Variants in GALNT15 observed in about 807,000 individuals in gnomAD.
GALNT15 encodes the protein polypeptide N-acetylgalactosaminyltransferase 15.
GALNT15 carries 67 observed loss-of-function variants against 66.8 expected under a neutral mutation model. That is an observed-to-expected ratio of 1.00 (90% CI 0.82 to 1.23). The LOEUF (loss-of-function observed/expected upper bound fraction) is 1.23, where lower values mean the gene tolerates loss of function less well. Ranked by LOEUF, GALNT15 falls within the 50% of genes most tolerant of loss-of-function variation. GALNT15 has a pLI of 0.00. For missense variants in GALNT15, 827 were observed against 804.3 expected (o/e 1.03, Z -0.34); for synonymous variants, 313 against 311.5 (o/e 1.00, Z -0.05).
chr3:16,203,042 C>T lies in GALNT15; in HGVS notation c.911+2219C>T, dbSNP rs1323390687. Among the ~76,000 whole-genome samples, 1 of 152,134 alleles carries T rather than the reference C, an allele frequency of 6.6e-6. No individual in the cohort carries two copies. Among genetic ancestry groups the T allele is most frequent in the Admixed American group, 6.5e-5 (1 of 15,276 alleles). ...TTCTTTAATGACCCCCATGAGAGGC[C>T]TCAGGCAGGTATTTTAGCTTCTGTT... On this transcript the variant is annotated intron_variant, in intron 3 of 9. Transcript: ENST00000339732. The surrounding 1 kb of genome is among the most constrained non-coding windows in gnomAD (Gnocchi z 6.2).
the GALNT15 span, among the ~76,000 whole-genome samples, chr3:16,239,409 T>C: frequency 6.6e-6 from 1 of 152,182 alleles, no homozygotes; most frequent in East Asian, 1.9e-4. The surrounding 1 kb of genome is among the most constrained non-coding windows in gnomAD (Gnocchi z 5.2). Flanking sequence ...GCTTCTTTTT[T>C]TAATGTCATG....
At chr3:16,214,500 G>C (rs1305245349) in intron 6 of GALNT15, among the ~76,000 whole-genome samples, 1 of 152,208 alleles carries the variant, frequency 6.6e-6, no homozygotes, top group African/African-American at 2.4e-5. Context: ...CACTGAGTAA[G>C]CCCTGCTTGT....
chr3:16,175,251 C>T lies in GALNT15; in HGVS notation c.100C>T (p.His34Tyr). The T allele has an allele frequency of 1.9e-6, 3 of 1,614,184 alleles. No individual in the cohort carries two copies. The highest frequency in any genetic ancestry group is 2.5e-6 in the Non-Finnish European group (3 of 1,180,036). The part of the protein sequence containing the change: ...GCVLMMVAML[H>Y]PPHHTLHQTV... ...CGTCCTGATGATGGTGGCGATGTTG[C>T]ACCCTCCCCACCACACCCTGCACCA... Residue 34 changes from histidine (H) to tyrosine (Y), a missense_variant, in exon 1 of 10, where the codon CAC becomes TAC. Coordinates refer to ENST00000339732, the MANE Select transcript of GALNT15 (RefSeq NM_054110.5). The surrounding 1 kb of genome is among the most constrained non-coding windows in gnomAD (Gnocchi z 5.6).
intron 1 of GALNT15, among the ~76,000 whole-genome samples, chr3:16,177,089 T>C (rs1029779334): frequency 6.6e-6 from 1 of 152,226 alleles, no homozygotes; most frequent in African/African-American, 2.4e-5. Context: ...CAAATGATTA[T>C]TGATGTATTT....
rs1378180297 is a variant in GALNT15 at position 16,225,424 on chromosome 3, CAAT to C, written c.1774-1929_1774-1927del. Reference sequence around the variant, plus strand: ...ATTTTTTTAAAAAAGAGGCCAGGCTCAATGGCTCACGCCTGTAATCCCAGCACT... The same window carrying C: ...ATTTTTTTAAAAAAGAGGCCAGGCTCGGCTCACGCCTGTAATCCCAGCACT... On this transcript the variant is annotated intron_variant, in intron 9 of 9. Coordinates refer to ENST00000339732, the MANE Select transcript of GALNT15 (RefSeq NM_054110.5). This position sits in a 1 kb window ranked among gnomAD's most constrained non-coding sequence, Gnocchi z 4.4. Among the ~76,000 whole-genome samples, 1 of 152,206 alleles carries C rather than the reference CAAT, an allele frequency of 6.6e-6. No homozygotes were observed. The highest frequency in any genetic ancestry group is 1.9e-4 in the East Asian group (1 of 5,196).
At position 16,212,570 on chromosome 3, in the gene GALNT15, C is replaced by T. The variant is rs779927324; in HGVS notation, c.1199C>T (p.Ala400Val). The T allele has an allele frequency of 2.0e-5, 33 of 1,611,750 alleles. No individual in the cohort carries two copies. Among genetic ancestry groups the T allele is most frequent in the Non-Finnish European group, 2.7e-5 (32 of 1,178,594 alleles). Residue 400 changes from alanine (A) to valine (V), a missense_variant and splice_region_variant, in exon 6 of 10, where the codon GCC becomes GTC. Transcript: ENST00000339732. Reference sequence around the variant, plus strand: ...GTTTATCTTTTCCCTTCGTGGCAGGCCTGGCTCTGTGGTGGCTCTGTTGAA... The same window carrying T: ...GTTTATCTTTTCCCTTCGTGGCAGGTCTGGCTCTGTGGTGGCTCTGTTGAA... ...GGENLELSFK[A>V]WLCGGSVEIL... is the part of the protein sequence containing the mutation.
intron 1 of GALNT15, among the ~76,000 whole-genome samples, chr3:16,178,476 C>A (rs1183956310): frequency 6.6e-6 from 1 of 152,188 alleles, no homozygotes; most frequent in Non-Finnish European, 1.5e-5. Flanking sequence ...AGGGTTCTCA[C>A]GGAACGGCCG....
rs36127239 is a variant in GALNT15 at position 16,207,501 on chromosome 3, T to TAA, written c.912-961_912-960dup. ...ACTCTGCAGTCATATCTCCAGGCTG[T>TAA]AAAAAAAAAAAAAAAAAAAAAAAAA... On this transcript the variant is annotated intron_variant, in intron 3 of 9. Coordinates refer to ENST00000339732, the MANE Select transcript of GALNT15 (RefSeq NM_054110.5). Among the ~76,000 whole-genome samples, 81 of 39,844 alleles carry TAA rather than the reference T, an allele frequency of 2.0e-3. 1 individual carries two copies. The highest frequency in any genetic ancestry group is 3.0e-3 in the Non-Finnish European group (71 of 23,694). The allele number at this position is 39,844 out of a possible 152,430, so 26.1% of individuals were successfully genotyped here.
chr3:16,193,010 A>G lies in GALNT15; in HGVS notation c.540-2750A>G, dbSNP rs2063595575. On this transcript the variant is annotated intron_variant, in intron 1 of 9. Transcript: ENST00000339732. This position sits in a 1 kb window ranked among gnomAD's most constrained non-coding sequence, Gnocchi z 4.7. Reference sequence around the variant, plus strand: ...CCATGTCGGATTCCTGGTTTTGCTCATTGTGGATGATTACGTGAGATATTT... The same window carrying G: ...CCATGTCGGATTCCTGGTTTTGCTCGTTGTGGATGATTACGTGAGATATTT... Among the ~76,000 whole-genome samples, 1 of 152,190 alleles carries G rather than the reference A, an allele frequency of 6.6e-6. No individual in the cohort carries two copies. Among genetic ancestry groups the G allele is most frequent in the Non-Finnish European group, 1.5e-5 (1 of 68,028 alleles).
rs911502134 is a variant in GALNT15 at position 16,176,876 on chromosome 3, G to A, written c.539+1186G>A. 2.0e-5 allele frequency among the ~76,000 whole-genome samples: 3 copies of A among 152,160 alleles called. No homozygotes were observed. The highest frequency in any genetic ancestry group is 3.9e-4 in the East Asian group (2 of 5,186). On this transcript the variant is annotated intron_variant, in intron 1 of 9. Coordinates refer to ENST00000339732, the MANE Select transcript of GALNT15 (RefSeq NM_054110.5). This position sits in a 1 kb window ranked among gnomAD's most constrained non-coding sequence, Gnocchi z 5.6. Reference sequence around the variant, plus strand: ...CACACTCGAGGGTGTGCAATTGCAGGGTCAGCAGCCGGGAGTGAACATCTC... The same window carrying A: ...CACACTCGAGGGTGTGCAATTGCAGAGTCAGCAGCCGGGAGTGAACATCTC...
Position 16,204,794 on chromosome 3 carries a change from G to A in GALNT15, c.912-3709G>A, listed in dbSNP as rs1173208412. Among the ~76,000 whole-genome samples, 1 of 152,202 alleles carries A rather than the reference G, an allele frequency of 6.6e-6. No homozygotes were observed. The highest frequency in any genetic ancestry group is 2.4e-5 in the African/African-American group (1 of 41,448). On this transcript the variant is annotated intron_variant, in intron 3 of 9. Transcript: ENST00000339732. This position sits in a 1 kb window ranked among gnomAD's most constrained non-coding sequence, Gnocchi z 4.5. ...TCAGCCAGGGGTGCTATGGGGAGAA[G>A]CAATGTGGGGCAGGGAGAAGAACAC...
At chr3:16,242,532 C>A in the GALNT15 span, among the ~76,000 whole-genome samples, 1 of 151,842 alleles carries the variant, frequency 6.6e-6, no homozygotes, top group Non-Finnish European at 1.5e-5. The surrounding 1 kb of genome is among the most constrained non-coding windows in gnomAD (Gnocchi z 5.6). Context: ...CCGAGGCAGG[C>A]AAATCTCTTG....
At chr3:16,243,334 G>A in the GALNT15 span, among the ~76,000 whole-genome samples, 6 of 152,330 alleles carry the variant, frequency 3.9e-5, no homozygotes, top group East Asian at 5.8e-4. Context: ...ACTGGACACC[G>A]AAACATCTGC....
chr3:16,212,403 T>G (rs1358084195), intron 5 of GALNT15, among the ~76,000 whole-genome samples, 166 bp from the exon 6 acceptor site: 1 of 152,062 alleles, frequency 6.6e-6, no homozygotes, highest in Non-Finnish European at 1.5e-5. Context: ...GCCCAGAACC[T>G]CCAAATCTGG....
At chr3:16,234,206 C>A (rs2064112204), downstream of GALNT15, among the ~76,000 whole-genome samples, 1 of 152,202 alleles carries the variant, frequency 6.6e-6, no homozygotes, top group South Asian at 2.1e-4. Context: ...ACACCAGAGG[C>A]TATAGTAGTG....
At position 16,195,775 on chromosome 3, in the gene GALNT15, C is replaced by T. The variant is rs769966579; in HGVS notation, c.555C>T (p.His185=). The change falls in exon 2 of 10, where the codon CAC becomes CAT. Residue 185 remains histidine (H), a synonymous_variant. Coordinates refer to ENST00000339732, the MANE Select transcript of GALNT15 (RefSeq NM_054110.5). This position sits in a 1 kb window ranked among gnomAD's most constrained non-coding sequence, Gnocchi z 4.6. Reference sequence around the variant, plus strand: ...TTCCCTGCAGGTGTCTGCAGCAGCACCCTCAGGACAGCCTGCCCACAGCCA... The same window carrying T: ...TTCCCTGCAGGTGTCTGCAGCAGCATCCTCAGGACAGCCTGCCCACAGCCA... ...EVRHPLCLQQ[H]PQDSLPTASV... is the part of the protein sequence containing the mutation. 1.9e-6 allele frequency: 3 copies of T among 1,612,910 alleles called. No individual in the cohort carries two copies. The highest frequency in any genetic ancestry group is 2.5e-6 in the Non-Finnish European group (3 of 1,179,306).
Position 16,191,978 on chromosome 3 carries a change from G to A in GALNT15, c.540-3782G>A, listed in dbSNP as rs980952741. On this transcript the variant is annotated intron_variant, in intron 1 of 9. Transcript: ENST00000339732. The surrounding 1 kb of genome is among the most constrained non-coding windows in gnomAD (Gnocchi z 5.2). ...GGAAAATGGCTATAAAACAGTCACT[G>A]TCTATTGGGTGCCTATTATTATTCT... Among the ~76,000 whole-genome samples the A allele has an allele frequency of 4.6e-5, 7 of 152,206 alleles. No individual in the cohort carries two copies. Among genetic ancestry groups the A allele is most frequent in the Non-Finnish European group, 1.0e-4 (7 of 68,034 alleles).
chr3:16,232,259 A>C (rs2064088912), downstream of GALNT15, among the ~76,000 whole-genome samples: 1 of 151,592 alleles, frequency 6.6e-6, no homozygotes, highest in East Asian at 1.9e-4. Context: ...CAGTCTCTCT[A>C]CCAGTGACTT....
intron 3 of GALNT15, among the ~76,000 whole-genome samples, chr3:16,206,144 A>G (rs2063754142): frequency 6.6e-6 from 1 of 152,188 alleles, no homozygotes; most frequent in Admixed American, 6.5e-5. Context: ...TGGGAGGCCA[A>G]GGCTGGCAGA....
Sources: allele counts gnomAD v4.1 joint callset (sites outside exome capture counted in the v4.1 genomes callset), GRCh38; gene constraint gnomAD v4.1.1; non-coding constraint Gnocchi (gnomAD v3.1); transcripts MANE v1.5; gene names NCBI Gene and HGNC (gene_info 2026-07-23, HGNC 2026-07-21).